ASPSCR1: variants seen among roughly 807,000 people sequenced by gnomAD.
The protein encoded by ASPSCR1 is tether containing UBX domain for GLUT4.
ASPSCR1 carries 55 observed loss-of-function variants against 68.9 expected under a neutral mutation model. That is an observed-to-expected ratio of 0.80 (90% confidence interval 0.64 to 1.00). ASPSCR1 has a LOEUF of 1.00. Ranked by LOEUF, ASPSCR1 falls within the 50% of genes least tolerant of loss-of-function variation. The pLI is 0.00. For missense variants in ASPSCR1, 765 were observed against 762.2 expected (o/e 1.00, Z -0.04); for synonymous variants, 352 against 332.6 (o/e 1.06, Z -0.63).
rs1445864191 is a variant in ASPSCR1, at chr17:82,009,472, C to T, written c.1089-14C>T. The T allele has an allele frequency of 6.4e-7, 1 of 1,566,710 alleles. No individual in the cohort carries two copies. The highest frequency in any genetic ancestry group is 8.7e-7 in the Non-Finnish European group (1 of 1,155,666). On this transcript the variant is annotated splice_polypyrimidine_tract_variant and intron_variant, in intron 8 of 15. Transcript: ENST00000306739. The stretch of plus-strand genomic sequence containing the variant: ...TCTGACCAGAAGCCCTGTTCCTTCC[C>T]CTCCTCACCACAGGAAGCGCCTGGA...
At chr17:82,015,414 C>T in intron 12 of ASPSCR1, 6 of 1,537,538 alleles carry the variant, frequency 3.9e-6, no homozygotes, top group South Asian at 2.4e-5. Context: ...GCCCAGGTGC[C>T]CCAGGCCTGG....
In ASPSCR1 at chr17:81,983,044, A is replaced by G. The variant is rs1397001136; in HGVS notation, c.159-510A>G. On this transcript the variant is annotated intron_variant, in intron 2 of 15. Transcript: ENST00000306739. The surrounding 1 kb of genome is among the most constrained non-coding windows in gnomAD (Gnocchi z 4.4). ...TTTTCAGTAGAGACGGGGTTTCACC[A>G]TGTTGGTCAGGCTTGTCTCAAACTC... is the stretch of plus-strand genomic sequence containing the variant. Among the ~76,000 whole-genome samples, 1 of 152,152 alleles carries G rather than the reference A, an allele frequency of 6.6e-6. No homozygotes were observed. The highest frequency in any genetic ancestry group is 2.4e-5 in the African/African-American group (1 of 41,434).
intron 5 of ASPSCR1, chr17:81,995,210 G>A (rs987934925): frequency 1.1e-5 from 5 of 475,648 alleles, no homozygotes; most frequent in Admixed American, 7.7e-5. Context: ...CCGCCGTGGC[G>A]GGACCCTCCT....
chr17:81,997,121 C>CGTGTGGGCTCCGGGATGAGGCT (rs2042374973), intron 7 of ASPSCR1, among the ~76,000 whole-genome samples: 1 of 151,706 alleles, frequency 6.6e-6, no homozygotes, highest in Non-Finnish European at 1.5e-5. Flanking sequence ...GGGATGAGGC[C>CGTGTGGGCTCCGGGATGAGGCT]GTGTGGGCTC....
intron 1 of ASPSCR1, among the ~76,000 whole-genome samples, 158 bp from the exon 2 acceptor site, chr17:81,979,026 T>A (rs1283313802): frequency 6.6e-6 from 1 of 152,162 alleles, no homozygotes; most frequent in East Asian, 1.9e-4. Context: ...AGCCTGCATT[T>A]GTTGCGGGGA....
chr17:82,016,961 G>C lies in ASPSCR1; in HGVS notation c.1496G>C (p.Gly499Ala), dbSNP rs761379437. Residue 499 changes from glycine to alanine, a missense_variant, in exon 15 of 16, where the codon GGG (glycine) becomes GCG (alanine). Physicochemically the swap from Gly to Ala is moderately conservative, Grantham distance 60. Coordinates refer to ENST00000306739, the MANE Select transcript of ASPSCR1 (RefSeq NM_024083.4). ...LVARYMSRAA[G>A]SPSPLPAPDP... ...CACAGGTACATGTCCAGGGCCGCCG[G>C]GTCCCCTTCCCCATTGCCAGCCCCT... 6.2e-6 allele frequency: 10 copies of C among 1,611,684 alleles called. No homozygotes were observed. The South Asian group carries it at 1.1e-4, about 18-fold the overall frequency.
intron 7 of ASPSCR1, among the ~76,000 whole-genome samples, chr17:82,003,109 A>T (rs1425870146): frequency 1.3e-5 from 2 of 151,974 alleles, no homozygotes; most frequent in Non-Finnish European, 2.9e-5. Context: ...TGGCCTCCGA[A>T]AGAGCTGGCA....
Position 81,984,509 on chromosome 17 carries a change from G to A in ASPSCR1, c.273+841G>A, listed in dbSNP as rs367763122. Among the ~76,000 whole-genome samples the A allele has an allele frequency of 5.3e-5, 8 of 152,040 alleles. No homozygotes were observed. The East Asian group carries it at 7.8e-4, about 15-fold the overall frequency. On this transcript the variant is annotated intron_variant, in intron 3 of 15. Coordinates refer to ENST00000306739, the MANE Select transcript of ASPSCR1 (RefSeq NM_024083.4). ...GGAGAATGGCGTGAACCCGGGAGGC[G>A]GAGCTTGCAGTGAGCCGAGATTGTG...
intron 15 of ASPSCR1, 78 bp downstream of exon 15, chr17:82,017,191 G>C (rs894270116): frequency 1.9e-6 from 3 of 1,578,990 alleles, no homozygotes; most frequent in African/African-American, 1.3e-5. Context: ...AGGGTCAGTG[G>C]GCTGGGGGGC....
Position 81,983,509 on chromosome 17 carries a change from G to A in ASPSCR1, c.159-45G>A, listed in dbSNP as rs374173492. ...TGGCGGGGCGTGGATGGCAGGGCGT[G>A]TCAGGCTCTGCAGGGCAGCAAGTGT... On this transcript the variant is annotated intron_variant, in intron 2 of 15. Coordinates refer to ENST00000306739, the MANE Select transcript of ASPSCR1 (RefSeq NM_024083.4). This position sits in a 1 kb window ranked among gnomAD's most constrained non-coding sequence, Gnocchi z 4.4. 1.3e-6 allele frequency: 2 copies of A among 1,510,374 alleles called. No homozygotes were observed. Among genetic ancestry groups the A allele is most frequent in the Non-Finnish European group, 1.8e-6 (2 of 1,098,980 alleles). The allele number at this position is 1,510,374 out of a possible 1,614,324, so 93.6% of individuals were successfully genotyped here.
rs2042350274 is a variant in ASPSCR1, at chr17:81,996,594, C to T, written c.681C>T (p.His227=). 1.2e-6 allele frequency: 2 copies of T among 1,611,520 alleles called. No homozygotes were observed. Among genetic ancestry groups the T allele is most frequent in the Admixed American group, 1.7e-5 (1 of 59,910 alleles). The change falls in exon 7 of 16, where the codon CAC becomes CAT. Residue 227 remains histidine, a synonymous_variant. Transcript: ENST00000306739. ...DADTSGPCCE[H]TQEKQSTRAP... is the part of the protein sequence containing the mutation. ...ACACCTCAGGGCCCTGCTGCGAGCA[C>T]ACTCAGGAGAAGCAGAGCACAAGGG...
chr17:82,007,673 C>T (rs995031191), intron 7 of ASPSCR1: 2 of 152,276 alleles, frequency 1.3e-5, no homozygotes, highest in African/African-American at 4.8e-5. Context: ...CAGGGAGGCT[C>T]TGGACCAGGC....
intron 4 of ASPSCR1, among the ~76,000 whole-genome samples, chr17:81,994,306 C>T (rs1365780958): frequency 6.6e-6 from 1 of 152,244 alleles, no homozygotes; most frequent in African/African-American, 2.4e-5. Context: ...GAGCGGAGTG[C>T]AGCGCCCCTC....
At position 81,996,948 on chromosome 17, in the gene ASPSCR1, G is replaced by A. The variant is rs530741980; in HGVS notation, c.933+102G>A. The A allele has an allele frequency of 4.0e-5, 61 of 1,507,292 alleles. No individual in the cohort carries two copies. In the Admixed American group the frequency reaches 6.8e-4, roughly 17 times the overall value. The allele number at this position is 1,507,292 out of a possible 1,614,324, so 93.4% of individuals were successfully genotyped here. ...CAGCCTGGTGGCGTGGCCGTGATGC[G>A]GGCAGAGGAACCCAAACGCGCAGAG... On this transcript the variant is annotated intron_variant, in intron 7 of 15. Coordinates refer to ENST00000306739, the MANE Select transcript of ASPSCR1 (RefSeq NM_024083.4).
intron 7 of ASPSCR1, among the ~76,000 whole-genome samples, chr17:81,997,186 T>TTGGCTCCGTGA (rs1223921493): frequency 1.8e-5 from 2 of 109,794 alleles, no homozygotes; most frequent in Non-Finnish European, 3.6e-5. Flanking sequence ...CAGCTCCGTG[T>TTGGCTCCGTGA]TGGCTCCGTG....
chr17:82,010,080 T>G (rs1472933650), intron 9 of ASPSCR1: 3 of 286,170 alleles, frequency 1.0e-5, no homozygotes, highest in East Asian at 2.9e-4. Flanking sequence ...CTCGGCTAAT[T>G]TTTGTTGTTT....
intron 4 of ASPSCR1, among the ~76,000 whole-genome samples, chr17:81,988,187 G>A (rs1180597702): frequency 3.3e-5 from 5 of 151,180 alleles, no homozygotes; most frequent in East Asian, 3.9e-4. Context: ...GTGGCTGGGC[G>A]TGATGGCTCA....
chr17:82,004,794 T>C (rs754164537), intron 7 of ASPSCR1: 1 of 151,758 alleles, frequency 6.6e-6, no homozygotes, highest in Non-Finnish European at 1.5e-5. Context: ...AAGAAGGGAG[T>C]GTGGGGCCTT....
intron 6 of ASPSCR1, 136 bp downstream of exon 6, chr17:81,996,201 C>T (rs1252178596): frequency 1.5e-6 from 2 of 1,325,630 alleles, no homozygotes; most frequent in East Asian, 5.1e-5. Flanking sequence ...GCCTGGTGGC[C>T]TCTGCCTGCC....
Sources: gnomAD v4.1 joint callset for allele counts (sites outside exome capture counted in the v4.1 genomes callset) on GRCh38, gnomAD v4.1.1 for gene constraint, Gnocchi (gnomAD v3.1) non-coding constraint, MANE v1.5 for transcripts, NCBI Gene and HGNC (gene_info 2026-07-23, HGNC 2026-07-21) for gene names.